ZFX: variants seen among roughly 807,000 people sequenced by gnomAD.
The protein encoded by ZFX is zinc finger X-chromosomal protein.
For synonymous variants in ZFX, 196 were observed against 226.8 expected (o/e 0.86, Z 1.22); for missense variants, 362 against 628.3 (o/e 0.58, Z 4.53).
intron 5 of ZFX, among the ~76,000 whole-genome samples, chrX:24,187,824 AT>A (rs1366520189): frequency 2.7e-5 from 3 of 111,342 alleles, no homozygotes; most frequent in African/African-American, 9.8e-5. Context: ...GAAACAGGCA[AT>A]TACAGTTGAG....
chrX:24,209,525 A>G (rs1937896353), intron 9 of ZFX, among the ~76,000 whole-genome samples: 1 of 112,188 alleles, frequency 8.9e-6, no homozygotes, highest in African/African-American at 3.2e-5. Flanking sequence ...TAAACAGTGG[A>G]AATTTTTGTC....
intron 3 of ZFX, among the ~76,000 whole-genome samples, chrX:24,161,480 A>G (rs759336241): frequency 1.8e-5 from 2 of 111,801 alleles, no homozygotes; most frequent in South Asian, 3.7e-4. Flanking sequence ...ACACTAACAT[A>G]TATCAACACT....
rs1413750950 is a variant in ZFX at position 24,215,850 on chromosome X, G to GTA, written c.*4475_*4476insAT. The GTA allele has an allele frequency of 9.1e-6, 1 of 109,296 alleles. No individual in the cohort carries two copies. Among genetic ancestry groups the GTA allele is most frequent in the Non-Finnish European group, 1.9e-5 (1 of 52,779 alleles). The allele number at this position is 109,296 out of a possible 1,213,427, so 9.0% of individuals were successfully genotyped here. A position where few individuals can be genotyped will look rare whatever the true frequency, so the allele number is the denominator to read the frequency against. ...AGAGAAGGGTTGAAAAAGATTGTGT[G>GTA]TGTGTGTGTGTGTGTTTAATTGGCC... is the stretch of plus-strand genomic sequence containing the variant. On this transcript the variant is annotated 3_prime_UTR_variant, in exon 10 of 10. Coordinates refer to ENST00000304543, the MANE Select transcript of ZFX (RefSeq NM_003410.4).
At chrX:24,158,758 T>C (rs1811431893) in intron 3 of ZFX, among the ~76,000 whole-genome samples, 1 of 109,186 alleles carries the variant, frequency 9.2e-6, no homozygotes, top group Admixed American at 9.8e-5. Context: ...TGCCTCAGCC[T>C]CCCAGGTAGC....
chrX:24,206,681 C>T (rs1937607529), intron 5 of ZFX, among the ~76,000 whole-genome samples: 1 of 108,854 alleles, frequency 9.2e-6, no homozygotes, highest in African/African-American at 3.4e-5. Context: ...TCCACTGCAC[C>T]TGGCTGGTTC....
At chrX:24,150,790 C>G (rs930304977) in intron 1 of ZFX, 6 of 112,716 alleles carry the variant, frequency 5.3e-5, no homozygotes, top group Non-Finnish European at 3.8e-5. Flanking sequence ...TTTGCCGCCC[C>G]GAGTATCTGA....
chrX:24,190,490 A>G (rs1343595116), intron 5 of ZFX, among the ~76,000 whole-genome samples: 5 of 112,050 alleles, frequency 4.5e-5, no homozygotes, highest in Non-Finnish European at 7.5e-5. Context: ...TAAGGCAAAG[A>G]TGTTTTAGTT....
intron 3 of ZFX, among the ~76,000 whole-genome samples, chrX:24,160,994 C>G (rs1388245513): frequency 8.9e-6 from 1 of 111,794 alleles, no homozygotes; most frequent in Non-Finnish European, 1.9e-5. Flanking sequence ...TTTTGTATTA[C>G]TGTTATCTCT....
intron 1 of ZFX, chrX:24,150,189 G>GA (rs1174439484): frequency 1.0e-5 from 1 of 99,279 alleles, no homozygotes; most frequent in Non-Finnish European, 2.1e-5. Flanking sequence ...TGAGGGGGGG[G>GA]GAGGGACGGG....
intron 5 of ZFX, among the ~76,000 whole-genome samples, chrX:24,186,603 A>G (rs1461865631): frequency 9.0e-6 from 1 of 110,946 alleles, no homozygotes; most frequent in Non-Finnish European, 1.9e-5. Flanking sequence ...CGCCCGGGTG[A>G]CAGAACGAGA....
At chrX:24,170,369 C>G (rs1934458117) in intron 3 of ZFX, among the ~76,000 whole-genome samples, 1 of 109,179 alleles carries the variant, frequency 9.2e-6, no homozygotes, top group African/African-American at 3.3e-5. Flanking sequence ...GTTGGCCAGG[C>G]TGGTCTCGAA....
intron 5 of ZFX, among the ~76,000 whole-genome samples, chrX:24,202,012 C>G (rs1213436534): frequency 9.0e-6 from 1 of 111,439 alleles, no homozygotes; most frequent in Non-Finnish European, 1.9e-5. Flanking sequence ...AAGTTCTTGC[C>G]TCCTGTTTCA....
intron 5 of ZFX, among the ~76,000 whole-genome samples, chrX:24,193,000 G>C (rs964101621): frequency 6.4e-5 from 7 of 109,623 alleles, no homozygotes; most frequent in African/African-American, 2.3e-4. Context: ...TTCAGGTCTT[G>C]TTGTTTCTTT....
chrX:24,209,291 A>C (rs1012901577), intron 9 of ZFX, among the ~76,000 whole-genome samples: 16 of 112,702 alleles, frequency 1.4e-4, no homozygotes, highest in Admixed American at 1.2e-3. Context: ...TTATGTGTAC[A>C]TGGAATGAAA....
At chrX:24,201,512 A>G (rs964317688) in intron 5 of ZFX, among the ~76,000 whole-genome samples, 7 of 112,638 alleles carry the variant, frequency 6.2e-5, no homozygotes, top group African/African-American at 1.6e-4. Flanking sequence ...TGGATTTTCC[A>G]GTACTTGTTA....
Position 24,207,245 on chromosome X carries a change from A to T in ZFX, c.647-81A>T, listed in dbSNP as rs201237204. 2.4e-3 allele frequency: 1,799 copies of T among 744,694 alleles called. 2 individuals are homozygous for T. The highest frequency in any genetic ancestry group is 7.9e-3 in the East Asian group (175 of 22,128). 61.4% of individuals were successfully genotyped at this position (744,694 alleles called of 1,213,427 possible). On this transcript the variant is annotated intron_variant, in intron 5 of 9. Coordinates refer to ENST00000304543, the MANE Select transcript of ZFX (RefSeq NM_003410.4). ...GTGAGACTCCGTCTCAAAAAAAAAA[A>T]TTTTTTTTTTTTTTTTTGCGAATAG...
intron 5 of ZFX, chrX:24,207,112 A>C (rs1425761581): frequency 2.7e-5 from 9 of 331,841 alleles, no homozygotes; most frequent in Non-Finnish European, 4.2e-5. Context: ...AGGCGCCTGT[A>C]GTCCCAGCTC....
At chrX:24,170,975 G>A (rs959573682) in intron 3 of ZFX, among the ~76,000 whole-genome samples, 1 of 111,919 alleles carries the variant, frequency 8.9e-6, no homozygotes, top group African/African-American at 3.2e-5. Context: ...TTAAAAATGA[G>A]TAGAATATAT....
intron 4 of ZFX, chrX:24,175,579 T>G (rs1313892594): frequency 9.1e-6 from 1 of 110,486 alleles, no homozygotes; most frequent in Non-Finnish European, 1.9e-5. Context: ...TTTTGGTTTT[T>G]TTTTGGTTTT....
Sources: allele counts gnomAD v4.1 joint callset (sites outside exome capture counted in the v4.1 genomes callset), GRCh38; gene constraint gnomAD v4.1.1; transcripts MANE v1.5; gene names NCBI Gene and HGNC (gene_info 2026-07-23, HGNC 2026-07-21).